Variants in CUL3 observed in about 807,000 individuals in gnomAD.
CUL3 encodes the protein cullin-3.
In CUL3, 19 loss-of-function variants were observed where a neutral mutation model predicts 89.1. The ratio of observed to expected loss-of-function variants is 0.21; its 90% CI spans 0.15 to 0.31. The LOEUF (loss-of-function observed/expected upper bound fraction) is 0.31. CUL3 is among the 10% of genes least tolerant of loss of function. The pLI is 1.00. For missense variants in CUL3, 469 were observed against 942.3 expected (o/e 0.50, Z 6.58); for synonymous variants, 351 against 308.4 (o/e 1.14, Z -1.45).
chr2:224,549,409 T>C (rs1454958791), intron 2 of CUL3, among the ~76,000 whole-genome samples: 1 of 152,130 alleles, frequency 6.6e-6, no homozygotes, highest in Non-Finnish European at 1.5e-5. Flanking sequence ...ATTATCTTCC[T>C]AAGTCTTAAT....
chr2:224,514,251 T>C (rs1214676508), intron 4 of CUL3, among the ~76,000 whole-genome samples: 3 of 151,406 alleles, frequency 2.0e-5, no homozygotes, highest in Admixed American at 6.6e-5. Context: ...ATAGTTTTCT[T>C]CAAAAATGTT....
chr2:224,578,973 T>C (rs1695373896), intron 1 of CUL3, among the ~76,000 whole-genome samples: 1 of 152,210 alleles, frequency 6.6e-6, no homozygotes, highest in African/African-American at 2.4e-5. Flanking sequence ...TGAAGCATTC[T>C]CTAATTTGTT....
chr2:224,495,066 A>G (rs1296662381), intron 13 of CUL3: 1 of 152,008 alleles, frequency 6.6e-6, no homozygotes, highest in Non-Finnish European at 1.5e-5. Flanking sequence ...AGATACAAAC[A>G]CTTCACCAAA....
intron 13 of CUL3, among the ~76,000 whole-genome samples, chr2:224,493,497 TCA>T (rs1318546333): frequency 6.6e-6 from 1 of 152,200 alleles, no homozygotes; most frequent in African/African-American, 2.4e-5. Flanking sequence ...TACACTACAA[TCA>T]GTTTCTGCTT....
rs370632470 is a variant in CUL3 at position 224,513,269 on chromosome 2, C to T, written c.654+255G>A. Reference sequence around the variant, plus strand: ...ACACAGGGGCGTCAGCATCCCTATGCCCCACACTGTTCAAGGGTCATCTCT... The same window carrying T: ...ACACAGGGGCGTCAGCATCCCTATGTCCCACACTGTTCAAGGGTCATCTCT... On this transcript the variant is annotated intron_variant, in intron 5 of 15. Transcript: ENST00000264414. Among the ~76,000 whole-genome samples the T allele has an allele frequency of 4.6e-5, 7 of 152,072 alleles. No individual in the cohort carries two copies. In the East Asian group the frequency reaches 1.3e-3, roughly 29 times the overall value.
chr2:224,574,500 A>T (rs1417528650), intron 1 of CUL3, among the ~76,000 whole-genome samples: 1 of 152,210 alleles, frequency 6.6e-6, no homozygotes, highest in Admixed American at 6.5e-5. Context: ...GCAATGGTTA[A>T]CAGCATTTCT....
chr2:224,558,855 A>C (rs1694810130), intron 1 of CUL3, among the ~76,000 whole-genome samples: 1 of 63,562 alleles, frequency 1.6e-5, no homozygotes, highest in Non-Finnish European at 2.8e-5. Context: ...ATCCTGGCTA[A>C]TACGGTCTCT....
intron 8 of CUL3, 193 bp from the exon 9 acceptor site, chr2:224,504,015 G>C (rs936664027): frequency 2.2e-6 from 1 of 459,968 alleles, no homozygotes; most frequent in Admixed American, 3.9e-5. Flanking sequence ...TTCTCATTTA[G>C]TGCATCATGA....
chr2:224,486,149 A>G (rs1691712632), intron 13 of CUL3, among the ~76,000 whole-genome samples: 1 of 152,262 alleles, frequency 6.6e-6, no homozygotes, highest in African/African-American at 2.4e-5. Flanking sequence ...ATCCATGAAG[A>G]TGAGGAAAAC....
intron 2 of CUL3, among the ~76,000 whole-genome samples, chr2:224,548,083 C>T (rs770142101): frequency 2.6e-5 from 4 of 152,184 alleles, no homozygotes; most frequent in Non-Finnish European, 5.9e-5. Context: ...AAAGACATTG[C>T]AGTTTACAAA....
chr2:224,484,666 C>T (rs1290085858), intron 13 of CUL3, among the ~76,000 whole-genome samples: 1 of 152,150 alleles, frequency 6.6e-6, no homozygotes, highest in East Asian at 1.9e-4. Flanking sequence ...AAATATTCAA[C>T]ATTTTCTTCC....
At chr2:224,481,124 T>A (rs1691524826) in intron 14 of CUL3, among the ~76,000 whole-genome samples, 2 of 152,186 alleles carry the variant, frequency 1.3e-5, no homozygotes, top group Non-Finnish European at 2.9e-5. Context: ...AAATAACATT[T>A]TTTTAAAATC....
intron 2 of CUL3, among the ~76,000 whole-genome samples, chr2:224,546,674 G>GT (rs908248292): frequency 4.0e-5 from 5 of 124,244 alleles, no homozygotes; most frequent in Non-Finnish European, 3.6e-5. Flanking sequence ...GGATGGGGGG[G>GT]GGTACTTGCC....
At chr2:224,580,650 C>G (rs535321711) in intron 1 of CUL3, among the ~76,000 whole-genome samples, 2 of 152,148 alleles carry the variant, frequency 1.3e-5, no homozygotes, top group South Asian at 4.1e-4. Context: ...TGCCACTGCA[C>G]TCTAGCCTGG....
At position 224,470,512 on chromosome 2, in the gene CUL3, G is replaced by A. The variant is rs1032521345; in HGVS notation, c.*3733C>T. ...GTTAAATTTATCTGCCATTCTTAAC[G>A]TCTCTTCTTCCTTCTGGCTAATTTG... On this transcript the variant is annotated 3_prime_UTR_variant, in exon 16 of 16. Coordinates refer to ENST00000264414, the MANE Select transcript of CUL3 (RefSeq NM_003590.5). 5.6e-5 allele frequency: 13 copies of A among 231,106 alleles called. No individual in the cohort carries two copies. Among genetic ancestry groups the A allele is most frequent in the Middle Eastern group, 2.6e-3 (2 of 770 alleles). 14.3% of individuals were successfully genotyped at this position (231,106 alleles called of 1,614,324 possible).
intron 1 of CUL3, among the ~76,000 whole-genome samples, chr2:224,582,218 C>T (rs1262157834): frequency 6.6e-6 from 1 of 152,196 alleles, no homozygotes; most frequent in Admixed American, 6.5e-5. Flanking sequence ...CCACCTGCCT[C>T]GGCCTCCCAA....
chr2:224,583,019 A>T (rs1287344733), intron 1 of CUL3, among the ~76,000 whole-genome samples: 4 of 152,158 alleles, frequency 2.6e-5, no homozygotes, highest in Non-Finnish European at 5.9e-5. Flanking sequence ...TTTAGCAAAA[A>T]ATCTTATTTA....
chr2:224,534,275 A>T (rs1366461428), intron 3 of CUL3, among the ~76,000 whole-genome samples: 1 of 152,214 alleles, frequency 6.6e-6, no homozygotes, highest in Non-Finnish European at 1.5e-5. Context: ...CTTGCTGAAC[A>T]GGATTTTTTT....
At chr2:224,479,095 A>G (rs1221250754) in intron 14 of CUL3, 1 of 152,226 alleles carries the variant, frequency 6.6e-6, no homozygotes. Flanking sequence ...AATAGCAGAA[A>G]AAGAAAACTG....
Sources: allele counts gnomAD v4.1 joint callset (sites outside exome capture counted in the v4.1 genomes callset), GRCh38; gene constraint gnomAD v4.1.1; transcripts MANE v1.5; gene names NCBI Gene and HGNC (gene_info 2026-07-23, HGNC 2026-07-21).